Variants in SMARCA2 observed in about 807,000 individuals in gnomAD.
SMARCA2 encodes the protein SWI/SNF-related matrix-associated actin-dependent regulator of chromatin subfamily A member 2.
SMARCA2 carries 61 observed loss-of-function variants against 199.8 expected under a neutral mutation model. The ratio of observed to expected loss-of-function variants is 0.31; its 90% confidence interval spans 0.25 to 0.38. The LOEUF (loss-of-function observed/expected upper bound fraction) is 0.38, where lower values mean the gene tolerates loss of function less well. SMARCA2 is among the 10% of genes least tolerant of loss of function. SMARCA2 has a pLI of 1.00. For missense variants in SMARCA2, 1,344 were observed against 2,012.2 expected, an observed-to-expected ratio of 0.67 and a Z score of 6.35; for synonymous variants, 935 against 732.0, an observed-to-expected ratio of 1.28 and a Z score of -4.48.
rs10964682 is a variant in SMARCA2 at position 2,083,943 on chromosome 9, C to G, written c.2416-143C>G. On this transcript the variant is annotated intron_variant, in intron 16 of 33. Transcript: ENST00000349721. ...ACGTGTAATTTAGCCAAAACTTCCTCGTGTATAATAGATCAGTCTATGAGA... is the reference window on the plus strand; with the variant it reads ...ACGTGTAATTTAGCCAAAACTTCCTGGTGTATAATAGATCAGTCTATGAGA... 756 of 529,360 alleles carry G rather than the reference C, an allele frequency of 1.4e-3. 5 individuals are homozygous for G. Among genetic ancestry groups the G allele is most frequent in the Non-Finnish European group, 7.2e-4 (214 of 298,218 alleles). The allele number at this position is 529,360 out of a possible 1,614,324, so 32.8% of individuals were successfully genotyped here.
At chr9:2,176,707 C>T (rs1207504512) in intron 29 of SMARCA2, among the ~76,000 whole-genome samples, 2 of 144,956 alleles carry the variant, frequency 1.4e-5, no homozygotes, top group Non-Finnish European at 3.0e-5. Flanking sequence ...CACATGCCAC[C>T]ACGCCTGGCT....
At position 2,081,945 on chromosome 9, in the gene SMARCA2, G is replaced by A; in HGVS notation, c.2298G>A (p.Leu766=). 1.9e-6 allele frequency: 3 copies of A among 1,613,938 alleles called. No homozygotes were observed. Among genetic ancestry groups the A allele is most frequent in the Non-Finnish European group, 2.5e-6 (3 of 1,179,882 alleles). Reference sequence around the variant, plus strand: ...AGACCATTGCACTCATCACTTATCTGATGGAGCACAAAAGACTCAATGGCC... The same window carrying A: ...AGACCATTGCACTCATCACTTATCTAATGGAGCACAAAAGACTCAATGGCC... ...TIQTIALITY[L]MEHKRLNGPY... The change falls in exon 15 of 34, where the codon CTG becomes CTA. Residue 766 remains leucine (L), a synonymous_variant. Transcript: ENST00000349721.
chr9:2,182,929 T>TA (rs1335963235), intron 31 of SMARCA2, among the ~76,000 whole-genome samples: 3 of 152,076 alleles, frequency 2.0e-5, no homozygotes, highest in Middle Eastern at 3.2e-3. Context: ...TAGCTGGGAT[T>TA]ACAGGCATGC....
chr9:2,112,729 A>G (rs1823057256), intron 24 of SMARCA2, among the ~76,000 whole-genome samples: 1 of 152,090 alleles, frequency 6.6e-6, no homozygotes, highest in African/African-American at 2.4e-5. Context: ...AGCTGACCAG[A>G]TTTTTCATCT....
chr9:2,058,150 G>A, intron 7 of SMARCA2, 141 bp from the exon 8 acceptor site: 2 of 716,664 alleles, frequency 2.8e-6, no homozygotes, highest in Non-Finnish European at 4.8e-6. Flanking sequence ...AGAGACACCA[G>A]GGCACCTATC....
intron 8 of SMARCA2, among the ~76,000 whole-genome samples, chr9:2,060,247 T>G (rs1432321212): frequency 1.3e-5 from 2 of 152,110 alleles, no homozygotes; most frequent in Non-Finnish European, 2.9e-5. Context: ...AAAGCCCATT[T>G]GATTCCTTGC....
In SMARCA2 at chr9:2,123,826, A is replaced by G. The variant is rs757958573; in HGVS notation, c.3870A>G (p.Glu1290=). 1.2e-6 allele frequency: 2 copies of G among 1,613,210 alleles called. No individual in the cohort carries two copies. Among genetic ancestry groups the G allele is most frequent in the Non-Finnish European group, 1.7e-6 (2 of 1,179,660 alleles). The change falls in exon 27 of 34, where the codon GAA becomes GAG. Residue 1290 remains glutamate (E), a synonymous_variant. Coordinates refer to ENST00000349721, the MANE Select transcript of SMARCA2 (RefSeq NM_003070.5). This position sits in a 1 kb window ranked among gnomAD's most constrained non-coding sequence, Gnocchi z 4.1. ...LPSWIIKDDA[E]VERLTCEEEE... is the part of the protein sequence containing the mutation. The stretch of plus-strand genomic sequence containing the variant: ...CCTGGATCATTAAGGATGACGCTGA[A>G]GTAGAAAGGCTCACCTGTGAAGAAG...
intron 21 of SMARCA2, among the ~76,000 whole-genome samples, chr9:2,100,960 G>T (rs927697424): frequency 2.0e-5 from 3 of 152,080 alleles, no homozygotes; most frequent in African/African-American, 7.2e-5. Context: ...AGACAAGAGA[G>T]AATGTGAGGC....
chr9:2,079,762 C>G (rs1312469788), intron 14 of SMARCA2: 1 of 152,216 alleles, frequency 6.6e-6, no homozygotes, highest in Non-Finnish European at 1.5e-5. Context: ...TAACTCATAG[C>G]ATGCTCTAAT....
intron 29 of SMARCA2, among the ~76,000 whole-genome samples, chr9:2,177,035 G>T (rs968565053): frequency 6.6e-6 from 1 of 152,198 alleles, no homozygotes; most frequent in African/African-American, 2.4e-5. Flanking sequence ...AATATGGAGT[G>T]CAGATGCTTG....
intron 32 of SMARCA2, among the ~76,000 whole-genome samples, chr9:2,187,881 C>T (rs1827590738): frequency 6.6e-6 from 1 of 151,970 alleles, no homozygotes; most frequent in Admixed American, 6.6e-5. Context: ...CAGTTTGAGA[C>T]AAGCCTGATC....
intron 32 of SMARCA2, among the ~76,000 whole-genome samples, chr9:2,188,578 A>G (rs1289998097): frequency 6.6e-6 from 1 of 152,204 alleles, no homozygotes; most frequent in African/African-American, 2.4e-5. Context: ...ATCTGTTTTC[A>G]AAGAGCTGCT....
intron 23 of SMARCA2, among the ~76,000 whole-genome samples, chr9:2,107,882 T>G (rs1347352290): frequency 6.6e-6 from 1 of 152,154 alleles, no homozygotes. Context: ...AGAAAAGATT[T>G]ATTCACAAGG....
intron 22 of SMARCA2, among the ~76,000 whole-genome samples, chr9:2,102,143 G>GTA (rs1822545354): frequency 8.1e-6 from 1 of 123,184 alleles, no homozygotes; most frequent in African/African-American, 2.8e-5. Flanking sequence ...GTGTGTGTGT[G>GTA]TGTGTGTGTG....
chr9:2,033,714 T>G (rs1333397225), intron 3 of SMARCA2, among the ~76,000 whole-genome samples: 1 of 152,252 alleles, frequency 6.6e-6, no homozygotes, highest in African/African-American at 2.4e-5. Flanking sequence ...ATGCTCTCTC[T>G]GAAGGCTTTA....
chr9:2,116,537 C>G lies in SMARCA2; in HGVS notation c.3684+488C>G, dbSNP rs561090829. ...TCTTCCGCACATTTAGCTATACTTG[C>G]TCTTGGCAAGCATGACCTTAACCTC... On this transcript the variant is annotated intron_variant, in intron 25 of 33. Transcript: ENST00000349721. 2.6e-5 allele frequency among the ~76,000 whole-genome samples: 4 copies of G among 152,298 alleles called. No individual in the cohort carries two copies. The South Asian group carries it at 6.2e-4, about 24-fold the overall frequency.
chr9:2,018,787 G>C (rs1280067578), intron 1 of SMARCA2, among the ~76,000 whole-genome samples: 4 of 152,168 alleles, frequency 2.6e-5, no homozygotes, highest in African/African-American at 9.7e-5. Flanking sequence ...TTATGTGTGT[G>C]TATACTTACA....
At position 2,056,591 on chromosome 9, in the gene SMARCA2, T is replaced by G. The variant is rs965873230; in HGVS notation, c.1174-81T>G. Reference sequence around the variant, plus strand: ...GATTCCCCGCCCCACTCTATTCCATTAAATGCAACCGCGAGAAGGCCAGAG... The same window carrying G: ...GATTCCCCGCCCCACTCTATTCCATGAAATGCAACCGCGAGAAGGCCAGAG... On this transcript the variant is annotated intron_variant, in intron 6 of 33. Transcript: ENST00000349721. The surrounding 1 kb of genome is among the most constrained non-coding windows in gnomAD (Gnocchi z 4.0). 8.4e-6 allele frequency: 11 copies of G among 1,316,264 alleles called. No individual in the cohort carries two copies. The African/African-American group carries it at 1.6e-4, about 19-fold the overall frequency. 81.5% of individuals were successfully genotyped at this position (1,316,264 alleles called of 1,614,324 possible).
chr9:2,064,752 G>C (rs546243822), intron 9 of SMARCA2, among the ~76,000 whole-genome samples: 3 of 152,138 alleles, frequency 2.0e-5, no homozygotes, highest in African/African-American at 7.2e-5. Flanking sequence ...CCTACAAAGA[G>C]AATTTTCTAA....
Sources: allele counts gnomAD v4.1 joint callset (sites outside exome capture counted in the v4.1 genomes callset), GRCh38; gene constraint gnomAD v4.1.1; non-coding constraint Gnocchi (gnomAD v3.1); transcripts MANE v1.5; gene names NCBI Gene and HGNC (gene_info 2026-07-23, HGNC 2026-07-21).